FBXL17: variants seen among roughly 807,000 people sequenced by gnomAD.
FBXL17 encodes the protein F-box and leucine rich repeat protein 17.
Under a neutral mutation model 66.2 loss-of-function variants are expected in FBXL17, and 22 were observed. That is an observed-to-expected ratio of 0.33 (90% CI 0.24 to 0.47). FBXL17 has a LOEUF of 0.47. FBXL17 is among the 20% of genes least tolerant of loss of function. FBXL17 has a pLI of 1.00. For missense variants in FBXL17, 878 were observed against 948.2 expected, an observed-to-expected ratio of 0.93 and a Z score of 0.97; for synonymous variants, 474 against 400.5, an observed-to-expected ratio of 1.18 and a Z score of -2.19.
rs1285665418 is a variant in FBXL17, at chr5:108,247,920, T to A, written c.1507-23692A>T. On this transcript the variant is annotated intron_variant, in intron 4 of 8. Coordinates refer to ENST00000542267, the MANE Select transcript of FBXL17 (RefSeq NM_001163315.3). ...AGCTAAAAACTCTGGACATTATTTA[T>A]AAAACAAACACATGAAGACTCTGAC... Among the ~76,000 whole-genome samples, 4 of 152,306 alleles carry A rather than the reference T, an allele frequency of 2.6e-5. No homozygotes were observed. The East Asian group carries it at 7.7e-4, about 29-fold the overall frequency.
At chr5:108,318,235 G>A (rs1294021898) in intron 4 of FBXL17, among the ~76,000 whole-genome samples, 1 of 151,630 alleles carries the variant, frequency 6.6e-6, no homozygotes, top group Non-Finnish European at 1.5e-5. Flanking sequence ...ACTGTACTCA[G>A]TAACAGAACA....
At chr5:108,294,646 C>G (rs1465322632) in intron 4 of FBXL17, among the ~76,000 whole-genome samples, 1 of 151,968 alleles carries the variant, frequency 6.6e-6, no homozygotes, top group Non-Finnish European at 1.5e-5. Flanking sequence ...ACATTTGTAT[C>G]CATCCATATT....
chr5:108,168,123 CA>C (rs1230693834), intron 6 of FBXL17, among the ~76,000 whole-genome samples: 2 of 152,096 alleles, frequency 1.3e-5, no homozygotes, highest in African/African-American at 4.8e-5. Context: ...AAAGTAGTCA[CA>C]GCAAATTAAA....
chr5:108,288,251 C>T (rs116141543), intron 4 of FBXL17, among the ~76,000 whole-genome samples: 2,306 of 151,442 alleles, frequency 0.015, 70 homozygotes, highest in African/African-American at 0.052. Context: ...GCACATGTAC[C>T]CCGAGCCTAA....
At chr5:108,044,261 A>C (rs999930230) in intron 6 of FBXL17, among the ~76,000 whole-genome samples, 2 of 59,376 alleles carry the variant, frequency 3.4e-5, no homozygotes, top group African/African-American at 1.7e-4. Flanking sequence ...GTTCCTGGTC[A>C]TAATGAAAAA....
At chr5:108,295,490 A>T (rs1758308289) in intron 4 of FBXL17, among the ~76,000 whole-genome samples, 1 of 151,982 alleles carries the variant, frequency 6.6e-6, no homozygotes, top group Non-Finnish European at 1.5e-5. Flanking sequence ...AGAGGAGCTA[A>T]GAATTGAACC....
chr5:107,961,236 T>C (rs1367874412), intron 7 of FBXL17, among the ~76,000 whole-genome samples: 1 of 152,130 alleles, frequency 6.6e-6, no homozygotes, highest in Non-Finnish European at 1.5e-5. Context: ...GGTTTTGTTT[T>C]GTTTTTGAGA....
chr5:108,316,736 G>A (rs1404153995), intron 4 of FBXL17, among the ~76,000 whole-genome samples: 2 of 151,002 alleles, frequency 1.3e-5, no homozygotes, highest in Admixed American at 6.6e-5. Flanking sequence ...AGCAAGTCAT[G>A]AACCAGATAA....
At chr5:108,180,403 G>A (rs1416680077) in intron 6 of FBXL17, among the ~76,000 whole-genome samples, 1 of 152,016 alleles carries the variant, frequency 6.6e-6, no homozygotes, top group African/African-American at 2.4e-5. Flanking sequence ...CTACTTGGGA[G>A]GCTGAGGCAG....
At chr5:108,348,725 C>G (rs188111683) in intron 3 of FBXL17, among the ~76,000 whole-genome samples, 195 bp from the exon 4 acceptor site, 1 of 152,126 alleles carries the variant, frequency 6.6e-6, no homozygotes, top group East Asian at 1.9e-4. Flanking sequence ...TCTAATTTAC[C>G]CCCGTTTCAA....
intron 4 of FBXL17, among the ~76,000 whole-genome samples, chr5:108,270,791 T>G (rs1270838288): frequency 6.6e-6 from 1 of 152,156 alleles, no homozygotes; most frequent in East Asian, 1.9e-4. Context: ...AGTTTTAAAT[T>G]ATTATGTTGA....
chr5:108,046,243 T>C (rs1747249501), intron 6 of FBXL17, among the ~76,000 whole-genome samples: 1 of 152,206 alleles, frequency 6.6e-6, no homozygotes, highest in South Asian at 2.1e-4. Flanking sequence ...AAAATATACT[T>C]TATCTGATGT....
In FBXL17 at chr5:108,152,231, C is replaced by A. The variant is rs1388886713; in HGVS notation, c.1745+33886G>T. Among the ~76,000 whole-genome samples the A allele has an allele frequency of 2.0e-5, 3 of 152,200 alleles. No individual in the cohort carries two copies. In the East Asian group the frequency reaches 5.8e-4, roughly 29 times the overall value. Reference sequence around the variant, plus strand: ...ATATTTTTTAAGATAAACATTAATGCAATATGATGGACAAAATATCAACAT... The same window carrying A: ...ATATTTTTTAAGATAAACATTAATGAAATATGATGGACAAAATATCAACAT... On this transcript the variant is annotated intron_variant, in intron 6 of 8. Coordinates refer to ENST00000542267, the MANE Select transcript of FBXL17 (RefSeq NM_001163315.3).
intron 4 of FBXL17, among the ~76,000 whole-genome samples, chr5:108,343,054 T>A (rs1384594033): frequency 1.3e-5 from 2 of 152,162 alleles, no homozygotes; most frequent in African/African-American, 4.8e-5. Flanking sequence ...CTTTCTACCA[T>A]GTGAGGATAC....
intron 4 of FBXL17, chr5:108,298,573 G>A (rs1463641872): frequency 2.1e-6 from 2 of 954,558 alleles, no homozygotes; most frequent in African/African-American, 3.5e-5. Flanking sequence ...TGAGAGATGG[G>A]AAACAATGTT....
chr5:108,151,162 A>C (rs1479820096), intron 6 of FBXL17, among the ~76,000 whole-genome samples: 1 of 152,152 alleles, frequency 6.6e-6, no homozygotes, highest in Admixed American at 6.5e-5. Flanking sequence ...TATCTGAATT[A>C]GAGCTTCAAA....
intron 8 of FBXL17, among the ~76,000 whole-genome samples, chr5:107,862,335 C>T (rs571346365): frequency 3.2e-4 from 48 of 151,406 alleles, no homozygotes; most frequent in South Asian, 1.3e-3. Context: ...TGTTAAGGTA[C>T]GGCAAACTTC....
chr5:108,137,613 C>G (rs1233430710), intron 6 of FBXL17, among the ~76,000 whole-genome samples: 1 of 152,126 alleles, frequency 6.6e-6, no homozygotes, highest in South Asian at 2.1e-4. Context: ...CAGTGTCCAG[C>G]AATTACCTGC....
chr5:108,031,006 T>C lies in FBXL17; in HGVS notation c.1746-10005A>G, dbSNP rs531478667. Among the ~76,000 whole-genome samples the C allele has an allele frequency of 7.9e-5, 12 of 152,218 alleles. No individual in the cohort carries two copies. The South Asian group carries it at 2.1e-3, about 26-fold the overall frequency. On this transcript the variant is annotated intron_variant, in intron 6 of 8. Coordinates refer to ENST00000542267, the MANE Select transcript of FBXL17 (RefSeq NM_001163315.3). ...CAGGGTCATTAGATTCACAATACTA[T>C]TAGGCCATTTGGCAACATTTGGGGC...
Sources: allele counts gnomAD v4.1 joint callset (sites outside exome capture counted in the v4.1 genomes callset), GRCh38; gene constraint gnomAD v4.1.1; transcripts MANE v1.5; gene names NCBI Gene and HGNC (gene_info 2026-07-23, HGNC 2026-07-21).